Variants in GDPD4 observed in about 807,000 individuals in gnomAD.
GDPD4 encodes the protein glycerophosphodiester phosphodiesterase domain containing 4.
A neutral mutation model predicts 67.8 loss-of-function variants in GDPD4; 60 were observed. The ratio of observed to expected loss-of-function variants is 0.88; its 90% CI spans 0.72 to 1.10. The LOEUF (loss-of-function observed/expected upper bound fraction) is 1.10, where lower values mean the gene tolerates loss of function less well. GDPD4 is among the 50% of genes least tolerant of loss of function. GDPD4 has a pLI of 0.00. For synonymous variants in GDPD4, 212 were observed against 210.9 expected (o/e 1.00, Z -0.04); for missense variants, 623 against 613.9 (o/e 1.01, Z -0.16).
chr11:77,242,296 C>T (rs924350683), intron 13 of GDPD4, among the ~76,000 whole-genome samples: 7 of 151,820 alleles, frequency 4.6e-5, no homozygotes, highest in Admixed American at 2.6e-4. Context: ...GTTATGATGT[C>T]GATTAAAAAT....
intron 13 of GDPD4, among the ~76,000 whole-genome samples, chr11:77,240,158 C>A (rs191109451): frequency 6.6e-6 from 1 of 151,964 alleles, no homozygotes; most frequent in Non-Finnish European, 1.5e-5. Flanking sequence ...ATTTGTATGA[C>A]CACTAATGAT....
intron 5 of GDPD4, among the ~76,000 whole-genome samples, chr11:77,272,024 TC>T (rs781363985): frequency 2.0e-5 from 3 of 152,112 alleles, no homozygotes; most frequent in Admixed American, 6.5e-5. Context: ...TTTCCTAACT[TC>T]CTCCCTTTCA....
intron 10 of GDPD4, among the ~76,000 whole-genome samples, chr11:77,260,199 C>G (rs1386581718): frequency 6.6e-6 from 1 of 151,878 alleles, no homozygotes; most frequent in African/African-American, 2.4e-5. Flanking sequence ...CCCAGCTACT[C>G]AAGTGGCTGA....
intron 5 of GDPD4, among the ~76,000 whole-genome samples, chr11:77,275,313 C>A (rs1444030286): frequency 6.6e-6 from 1 of 152,186 alleles, no homozygotes; most frequent in African/African-American, 2.4e-5. Context: ...TGGAAATATG[C>A]TGCATGCCTG....
Position 77,271,116 on chromosome 11 carries a change from C to T in GDPD4, c.400+14G>A. The T allele has an allele frequency of 2.6e-6, 4 of 1,563,634 alleles. No individual in the cohort carries two copies. The highest frequency in any genetic ancestry group is 2.6e-6 in the Non-Finnish European group (3 of 1,136,296). ...GCTGAAGAAATAGGCAGGGTTCTGC[C>T]CTATGTGACATACCTTCTCTTTCCA... is the stretch of plus-strand genomic sequence containing the variant. On this transcript the variant is annotated intron_variant, in intron 7 of 16. Coordinates refer to ENST00000315938, the MANE Select transcript of GDPD4 (RefSeq NM_182833.3).
chr11:77,285,293 T>C lies in GDPD4; in HGVS notation c.-50-106A>G, dbSNP rs1053275747. 6.4e-6 allele frequency: 4 copies of C among 623,156 alleles called. No individual in the cohort carries two copies. In the African/African-American group the frequency reaches 7.4e-5, roughly 12 times the overall value. The allele number at this position is 623,156 out of a possible 1,614,324, so 38.6% of individuals were successfully genotyped here. ...TCAGCATAGTTGCACTGCCATGCATTACCCTCCTGAGGCTGGAGTGATCAC... is the reference window on the plus strand; with the variant it reads ...TCAGCATAGTTGCACTGCCATGCATCACCCTCCTGAGGCTGGAGTGATCAC... On this transcript the variant is annotated intron_variant, in intron 2 of 16. Transcript: ENST00000315938.
At chr11:77,290,077 G>A (rs906545572) in intron 1 of GDPD4, among the ~76,000 whole-genome samples, 4 of 152,056 alleles carry the variant, frequency 2.6e-5, no homozygotes, top group African/African-American at 4.8e-5. Context: ...AGATTTAACC[G>A]AAAAAGGTCT....
chr11:77,264,293 T>A (rs1342632394), intron 10 of GDPD4, among the ~76,000 whole-genome samples: 1 of 152,206 alleles, frequency 6.6e-6, no homozygotes, highest in Non-Finnish European at 1.5e-5. Flanking sequence ...GGTTTTTTCA[T>A]ATAAACGTGT....
Position 77,277,391 on chromosome 11 carries a change from C to CTTTTTTT in GDPD4, c.148-1178_148-1172dup, listed in dbSNP as rs71043564. ...ACAAACCTCTTTTCAGCCATGTTTC[C>CTTTTTTT]TTTTTTTTTTTTTTTTTTTTTTTTT... On this transcript the variant is annotated intron_variant, in intron 4 of 16. Transcript: ENST00000315938. Among the ~76,000 whole-genome samples, 165 of 58,348 alleles carry CTTTTTTT rather than the reference C, an allele frequency of 2.8e-3. 39 individuals are homozygous for CTTTTTTT. The highest frequency in any genetic ancestry group is 0.013 in the East Asian group (23 of 1,788). The allele number at this position is 58,348 out of a possible 152,430, so 38.3% of individuals were successfully genotyped here. A position where few individuals can be genotyped will look rare whatever the true frequency, so the allele number is the denominator to read the frequency against.
chr11:77,265,742 C>T (rs1340359043), intron 10 of GDPD4, among the ~76,000 whole-genome samples: 1 of 152,110 alleles, frequency 6.6e-6, no homozygotes, highest in Non-Finnish European at 1.5e-5. Flanking sequence ...AGACATATCA[C>T]CACCACCATA....
At chr11:77,240,546 G>A (rs914371291) in intron 13 of GDPD4, among the ~76,000 whole-genome samples, 1 of 151,966 alleles carries the variant, frequency 6.6e-6, no homozygotes, top group Non-Finnish European at 1.5e-5. Flanking sequence ...AAGAAAATGG[G>A]AAAAGCTCCA....
intron 1 of GDPD4, among the ~76,000 whole-genome samples, chr11:77,295,674 A>G (rs936608840): frequency 2.6e-5 from 4 of 152,288 alleles, no homozygotes; most frequent in African/African-American, 9.6e-5. Flanking sequence ...TTACAGAAGA[A>G]AACATAGACG....
intron 1 of GDPD4, among the ~76,000 whole-genome samples, chr11:77,298,438 G>C (rs1938050293): frequency 6.6e-6 from 1 of 152,204 alleles, no homozygotes; most frequent in African/African-American, 2.4e-5. Flanking sequence ...CTTGAACCCG[G>C]GAGGCGGAGA....
Position 77,279,366 on chromosome 11 carries a change from G to GA in GDPD4, c.86dup (p.Trp30LeufsTer10), listed in dbSNP as rs1443773723. On this transcript the variant is annotated frameshift_variant, in exon 4 of 17. Coordinates refer to ENST00000315938, the MANE Select transcript of GDPD4 (RefSeq NM_182833.3). LOFTEE classifies it high-confidence loss of function. Reference sequence around the variant, plus strand: ...CTAAACTCAGAATAAAAATAGACCAGAAAAACCAGTATCCTGTTCCTAGAA... The same window carrying GA: ...CTAAACTCAGAATAAAAATAGACCAGAAAAAACCAGTATCCTGTTCCTAGAA... 2.5e-6 allele frequency: 4 copies of GA among 1,611,972 alleles called. No homozygotes were observed. The highest frequency in any genetic ancestry group is 3.4e-6 in the Non-Finnish European group (4 of 1,178,482).
intron 14 of GDPD4, among the ~76,000 whole-genome samples, chr11:77,230,354 T>C (rs1349548748): frequency 6.6e-6 from 1 of 152,176 alleles, no homozygotes; most frequent in Non-Finnish European, 1.5e-5. Flanking sequence ...ATTTGTGAGA[T>C]CTGAGTGAAA....
intron 11 of GDPD4, among the ~76,000 whole-genome samples, chr11:77,246,299 C>T (rs1958784392): frequency 6.6e-6 from 1 of 152,068 alleles, no homozygotes; most frequent in Admixed American, 6.6e-5. Context: ...AGAGTGAGGC[C>T]CTATCTCTAA....
At chr11:77,296,614 C>A (rs1304315562) in intron 1 of GDPD4, among the ~76,000 whole-genome samples, 1 of 151,678 alleles carries the variant, frequency 6.6e-6, no homozygotes, top group Non-Finnish European at 1.5e-5. Flanking sequence ...AGCTACTGCA[C>A]CCGGCCAGAT....
chr11:77,261,294 G>A (rs576174331), intron 10 of GDPD4, among the ~76,000 whole-genome samples: 26 of 151,638 alleles, frequency 1.7e-4, no homozygotes, highest in Non-Finnish European at 2.8e-4. Context: ...CTGGAGTGTA[G>A]CGGTGCCATC....
chr11:77,260,303 T>G (rs1232943321), intron 10 of GDPD4, among the ~76,000 whole-genome samples: 2 of 125,782 alleles, frequency 1.6e-5, no homozygotes, highest in Non-Finnish European at 3.1e-5. Context: ...TGAAACTCCA[T>G]CTCAGAAAAA....
Sources: allele counts gnomAD v4.1 joint callset (sites outside exome capture counted in the v4.1 genomes callset), GRCh38; gene constraint gnomAD v4.1.1; transcripts MANE v1.5; gene names NCBI Gene and HGNC (gene_info 2026-07-23, HGNC 2026-07-21).